The following SMARCAD1 variants were observed in gnomAD, a reference collection of about 807,000 sequenced individuals.
SMARCAD1 encodes the protein SNF2 related chromatin remodeling ATPase with DExD box 1.
In SMARCAD1, 25 loss-of-function variants were observed where a neutral mutation model predicts 127.1. The observed-to-expected ratio is 0.20, with a 90% CI of 0.14 to 0.27. The LOEUF is 0.27. Ranked by LOEUF, SMARCAD1 falls within the 10% of genes least tolerant of loss-of-function variation. The probability of loss-of-function intolerance (pLI) is 1.00; values close to 1 mark genes in which losing one functional copy is unlikely to be tolerated. For synonymous variants in SMARCAD1, 400 were observed against 396.9 expected, an observed-to-expected ratio of 1.01 and a Z score of -0.09; for missense variants, 807 against 1,206.0, an observed-to-expected ratio of 0.67 and a Z score of 4.90.
chr4:94,218,462 T>C (rs1472272363), intron 2 of SMARCAD1, among the ~76,000 whole-genome samples: 7 of 151,842 alleles, frequency 4.6e-5, no homozygotes, highest in African/African-American at 1.7e-4. Flanking sequence ...CCAGCTAATA[T>C]TTGTATTTTT....
In SMARCAD1 at chr4:94,252,537, GT is replaced by G. The variant is rs537958468; in HGVS notation, c.890-75del. The G allele has an allele frequency of 2.6e-3, 2,629 of 1,025,472 alleles. 39 individuals are homozygous for G. In the African/African-American group the frequency reaches 0.035, roughly 14 times the overall value. The allele number at this position is 1,025,472 out of a possible 1,614,324, so 63.5% of individuals were successfully genotyped here. On this transcript the variant is annotated intron_variant, in intron 8 of 23. Coordinates refer to ENST00000354268, the MANE Select transcript of SMARCAD1 (RefSeq NM_020159.5). ...CTGTATTCAATAGGAATAGGTAAAT[GT>G]TTTAAGTTTTTATTTGAAGTCTATC... is the stretch of plus-strand genomic sequence containing the variant.
intron 6 of SMARCAD1, among the ~76,000 whole-genome samples, chr4:94,242,323 G>A (rs1393176888): frequency 1.3e-5 from 2 of 152,018 alleles, no homozygotes; most frequent in Non-Finnish European, 2.9e-5. Flanking sequence ...GAGATTACAG[G>A]CGTGAGCCAC....
intron 2 of SMARCAD1, 142 bp downstream of exon 2, chr4:94,208,726 G>C (rs535494336): frequency 1.2e-6 from 1 of 823,524 alleles, no homozygotes; most frequent in South Asian, 1.6e-5. Flanking sequence ...ACAGCTTTGG[G>C]ACTGCCATAA....
chr4:94,213,510 TG>T (rs1742629387), intron 2 of SMARCAD1, among the ~76,000 whole-genome samples: 1 of 152,010 alleles, frequency 6.6e-6, no homozygotes, highest in African/African-American at 2.4e-5. Context: ...TTATATCCTG[TG>T]TCAGGGACGG....
At chr4:94,213,243 C>A in intron 2 of SMARCAD1, 1 of 480,828 alleles carries the variant, frequency 2.1e-6, no homozygotes, top group Non-Finnish European at 3.3e-6. Flanking sequence ...ATCTGTAATT[C>A]ACAAATGATT....
At chr4:94,214,025 C>T (rs1288512174) in intron 2 of SMARCAD1, among the ~76,000 whole-genome samples, 1 of 151,924 alleles carries the variant, frequency 6.6e-6, no homozygotes, top group African/African-American at 2.4e-5. Flanking sequence ...ACCTAAATAC[C>T]TAGTTTGGTA....
chr4:94,217,074 C>T (rs1262390592), intron 2 of SMARCAD1, among the ~76,000 whole-genome samples: 1 of 152,172 alleles, frequency 6.6e-6, no homozygotes, highest in Non-Finnish European at 1.5e-5. Context: ...AGTTTCTCCA[C>T]ATCCTCTCCA....
intron 6 of SMARCAD1, among the ~76,000 whole-genome samples, chr4:94,244,755 T>TAAA (rs776962533): frequency 3.5e-5 from 5 of 142,110 alleles, no homozygotes; most frequent in African/African-American, 1.3e-4. Flanking sequence ...CCCAAAACAT[T>TAAA]AAAAAAAAAA....
chr4:94,251,960 T>G lies in SMARCAD1; in HGVS notation c.890-656T>G, dbSNP rs572457531. ...TCCACCTCCCAGGTTCAAGCGATTC[T>G]CCTGCCTCAGCCTTCTGAGTAGCTG... is the stretch of plus-strand genomic sequence containing the variant. On this transcript the variant is annotated intron_variant, in intron 8 of 23. Transcript: ENST00000354268. Among the ~76,000 whole-genome samples, 6 of 152,344 alleles carry G rather than the reference T, an allele frequency of 3.9e-5. No individual in the cohort carries two copies. In the East Asian group the frequency reaches 7.7e-4, roughly 20 times the overall value.
Position 94,290,274 on chromosome 4 carries a change from T to G in SMARCAD1, c.*740T>G, listed in dbSNP as rs952181501. 9 of 454,408 alleles carry G rather than the reference T, an allele frequency of 2.0e-5. No homozygotes were observed. The highest frequency in any genetic ancestry group is 4.0e-5 in the Non-Finnish European group (9 of 226,780). 28.1% of individuals were successfully genotyped at this position (454,408 alleles called of 1,614,324 possible). On this transcript the variant is annotated 3_prime_UTR_variant, in exon 24 of 24. Coordinates refer to ENST00000354268, the MANE Select transcript of SMARCAD1 (RefSeq NM_020159.5). ...TTGTGCATATTACTCTGCCTAATCT[T>G]GTGCATGTTTTCATTGATTTCCCTC...
At chr4:94,215,245 A>G (rs1038690023) in intron 2 of SMARCAD1, among the ~76,000 whole-genome samples, 25 of 152,160 alleles carry the variant, frequency 1.6e-4, no homozygotes, top group African/African-American at 4.6e-4. Context: ...TACTTAGTTA[A>G]AGGGTTAGTG....
intron 14 of SMARCAD1, 45 bp from the exon 15 acceptor site, chr4:94,276,294 C>A (rs1488837053): frequency 1.2e-6 from 2 of 1,608,566 alleles, no homozygotes. Flanking sequence ...AGACTCCAAG[C>A]TCTTAAAGGT....
chr4:94,258,977 TG>T (rs1485220578), intron 9 of SMARCAD1, among the ~76,000 whole-genome samples: 3 of 152,122 alleles, frequency 2.0e-5, no homozygotes. Context: ...CTTCTTTTTT[TG>T]TTGTTGTTAA....
chr4:94,207,901 T>G lies in SMARCAD1; in HGVS notation c.-219T>G, dbSNP rs532785772. 8.9e-6 allele frequency: 3 copies of G among 335,664 alleles called. No individual in the cohort carries two copies. Among genetic ancestry groups the G allele is most frequent in the Admixed American group, 4.1e-5 (1 of 24,356 alleles). 20.8% of individuals were successfully genotyped at this position (335,664 alleles called of 1,614,324 possible). On this transcript the variant is annotated 5_prime_UTR_variant, in exon 1 of 24. Coordinates refer to ENST00000354268, the MANE Select transcript of SMARCAD1 (RefSeq NM_020159.5). ...CGGGCGGATGCCCGCCAGCACGGCC[T>G]CCGCCGCTCCCCTTCTTTGGCCCCT...
At chr4:94,230,356 T>G (rs1430808156) in intron 3 of SMARCAD1, among the ~76,000 whole-genome samples, 1 of 152,182 alleles carries the variant, frequency 6.6e-6, no homozygotes, top group East Asian at 1.9e-4. Flanking sequence ...TTTATTTACT[T>G]AGCATATATG....
At chr4:94,249,632 C>T (rs767754648) in intron 6 of SMARCAD1, 22 bp from the exon 7 acceptor site, 29 of 1,159,202 alleles carry the variant, frequency 2.5e-5, no homozygotes, top group Non-Finnish European at 3.4e-5. Flanking sequence ...AAATTGTTTT[C>T]TTTTTTTTTT....
At chr4:94,272,105 A>G (rs1752616935) in intron 11 of SMARCAD1, among the ~76,000 whole-genome samples, 1 of 152,040 alleles carries the variant, frequency 6.6e-6, no homozygotes, top group Non-Finnish European at 1.5e-5. Flanking sequence ...CCACTTTCTT[A>G]CTCTGTCCTT....
Position 94,237,070 on chromosome 4 carries a change from A to G in SMARCAD1, c.604+52A>G, listed in dbSNP as rs1321899058. 2.2e-6 allele frequency: 3 copies of G among 1,369,822 alleles called. No individual in the cohort carries two copies. In the African/African-American group the frequency reaches 4.3e-5, roughly 20 times the overall value. 84.9% of individuals were successfully genotyped at this position (1,369,822 alleles called of 1,614,324 possible). ...GTCGATTTATTGTTACGTCATAATA[A>G]TAGTACCTTCTCATTAATATTGCTC... On this transcript the variant is annotated intron_variant, in intron 5 of 23. Transcript: ENST00000354268.
intron 3 of SMARCAD1, among the ~76,000 whole-genome samples, chr4:94,228,175 A>G (rs965103040): frequency 6.6e-6 from 1 of 152,184 alleles, no homozygotes; most frequent in Non-Finnish European, 1.5e-5. Context: ...AATGTACTCC[A>G]AGATAAAATG....
Sources: gnomAD v4.1 joint callset for allele counts (sites outside exome capture counted in the v4.1 genomes callset) on GRCh38, gnomAD v4.1.1 for gene constraint, MANE v1.5 for transcripts, NCBI Gene and HGNC (gene_info 2026-07-23, HGNC 2026-07-21) for gene names.